The following TAFA1 variants were observed in gnomAD, a reference collection of about 807,000 sequenced individuals.
TAFA1 encodes the protein chemokine-like protein TAFA-1.
TAFA1 carries 4 observed loss-of-function variants against 18.5 expected under a neutral mutation model. That is an observed-to-expected ratio of 0.22 (90% confidence interval 0.11 to 0.49). The LOEUF (loss-of-function observed/expected upper bound fraction) is 0.49. TAFA1 is among the 20% of genes least tolerant of loss of function. The pLI, the probability that TAFA1 is intolerant of heterozygous loss-of-function variation, is 0.98. For synonymous variants in TAFA1, 56 were observed against 55.2 expected (o/e 1.01, Z -0.06); for missense variants, 147 against 169.0 (o/e 0.87, Z 0.72).
intron 2 of TAFA1, among the ~76,000 whole-genome samples, chr3:68,088,991 A>G (rs947030530): frequency 1.3e-5 from 2 of 152,158 alleles, no homozygotes; most frequent in African/African-American, 4.8e-5. Flanking sequence ...TTTTGGCCCA[A>G]TCAACTGGTT....
chr3:68,039,445 T>C (rs1705118545), intron 2 of TAFA1, among the ~76,000 whole-genome samples: 1 of 152,126 alleles, frequency 6.6e-6, no homozygotes, highest in African/African-American at 2.4e-5. Flanking sequence ...TTTAGGTCGT[T>C]TCTAGGCTTT....
intron 2 of TAFA1, among the ~76,000 whole-genome samples, chr3:68,022,836 TATATATTA>T: frequency 6.9e-5 from 1 of 14,510 alleles, no homozygotes; most frequent in Non-Finnish European, 1.6e-4. Flanking sequence ...ATATAATATA[TATATATTA>T]TATATATATA....
At chr3:68,387,314 G>T (rs191555539) in intron 2 of TAFA1, among the ~76,000 whole-genome samples, 1 of 151,978 alleles carries the variant, frequency 6.6e-6, no homozygotes, top group African/African-American at 2.4e-5. Context: ...TGCAAAAGGG[G>T]GCTATTTTAA....
intron 3 of TAFA1, among the ~76,000 whole-genome samples, chr3:68,531,179 T>C (rs996518939): frequency 6.6e-6 from 1 of 152,118 alleles, no homozygotes; most frequent in African/African-American, 2.4e-5. Flanking sequence ...AATGGGTTAG[T>C]GATAATACCT....
At chr3:68,365,895 GC>G (rs1475413934) in intron 2 of TAFA1, among the ~76,000 whole-genome samples, 1 of 151,974 alleles carries the variant, frequency 6.6e-6, no homozygotes, top group East Asian at 1.9e-4. Context: ...AGACCAACCA[GC>G]CAACATAGTG....
chr3:68,504,961 T>G (rs2072721947), intron 3 of TAFA1, among the ~76,000 whole-genome samples: 1 of 152,110 alleles, frequency 6.6e-6, no homozygotes, highest in Non-Finnish European at 1.5e-5. Context: ...GTAACATTTG[T>G]GGGCATGCAG....
At chr3:68,089,939 A>G (rs761536115) in intron 2 of TAFA1, among the ~76,000 whole-genome samples, 7 of 152,198 alleles carry the variant, frequency 4.6e-5, no homozygotes, top group Non-Finnish European at 8.8e-5. Flanking sequence ...TCTGAGAATG[A>G]AATTGGCTGG....
intron 3 of TAFA1, among the ~76,000 whole-genome samples, chr3:68,500,036 C>T (rs549306709): frequency 2.0e-5 from 3 of 152,160 alleles, no homozygotes; most frequent in African/African-American, 7.2e-5. Flanking sequence ...CCATCCCATT[C>T]CATCCCATCT....
chr3:68,271,439 G>A (rs912543121), intron 2 of TAFA1, among the ~76,000 whole-genome samples: 3 of 152,078 alleles, frequency 2.0e-5, no homozygotes, highest in South Asian at 2.1e-4. Flanking sequence ...CTCAACCCAC[G>A]TAACTGAGAA....
intron 3 of TAFA1, among the ~76,000 whole-genome samples, chr3:68,459,637 T>C (rs1280040708): frequency 6.6e-6 from 1 of 152,216 alleles, no homozygotes; most frequent in Non-Finnish European, 1.5e-5. Flanking sequence ...ATGAAAGTAT[T>C]TGCAGTTGAT....
chr3:68,313,310 A>G (rs767870745), intron 2 of TAFA1, among the ~76,000 whole-genome samples: 1 of 152,204 alleles, frequency 6.6e-6, no homozygotes, highest in Non-Finnish European at 1.5e-5. Flanking sequence ...TCTAAAACCT[A>G]TCTATTTAAA....
chr3:68,375,521 G>T (rs1414519342), intron 2 of TAFA1, among the ~76,000 whole-genome samples: 1 of 152,110 alleles, frequency 6.6e-6, no homozygotes, highest in Non-Finnish European at 1.5e-5. Flanking sequence ...TATACATTTT[G>T]TATATAAATA....
chr3:68,391,474 G>A (rs996198098), intron 2 of TAFA1, among the ~76,000 whole-genome samples: 29 of 152,122 alleles, frequency 1.9e-4, no homozygotes, highest in Non-Finnish European at 2.6e-4. Flanking sequence ...AACCTAGCAA[G>A]ACAGGCCAAC....
intron 2 of TAFA1, among the ~76,000 whole-genome samples, chr3:68,127,581 G>GGTAGTGGTGGTGA (rs1227271210): frequency 4.0e-4 from 2 of 4,984 alleles, no homozygotes; most frequent in East Asian, 6.3e-3. Context: ...AGTGGTGGTA[G>GGTAGTGGTGGTGA]TGATGGTAGC....
chr3:68,131,494 C>T (rs1032463468), intron 2 of TAFA1, among the ~76,000 whole-genome samples: 3 of 152,214 alleles, frequency 2.0e-5, no homozygotes, highest in African/African-American at 7.2e-5. Flanking sequence ...AGACTCCCCA[C>T]TGCCATGCTT....
intron 3 of TAFA1, among the ~76,000 whole-genome samples, chr3:68,524,739 C>T (rs957298973): frequency 2.0e-5 from 3 of 151,780 alleles, no homozygotes; most frequent in African/African-American, 7.3e-5. Flanking sequence ...GGTGCGATCT[C>T]GGCTCACTGC....
intron 2 of TAFA1, among the ~76,000 whole-genome samples, chr3:68,222,887 G>A (rs925954147): frequency 6.6e-6 from 1 of 152,016 alleles, no homozygotes; most frequent in African/African-American, 2.4e-5. Context: ...TGGCCAGGCT[G>A]GTCTCGAACT....
In TAFA1 at chr3:68,456,814, C is replaced by T. The variant is rs192218259; in HGVS notation, c.259+39394C>T. ...TCTTTTTTTACAATGGTCCTTAAGC[C>T]GGATTCATTTTATCTTGAAATGATA... is the stretch of plus-strand genomic sequence containing the variant. On this transcript the variant is annotated intron_variant, in intron 3 of 4. Coordinates refer to ENST00000478136, the MANE Select transcript of TAFA1 (RefSeq NM_213609.4). 2.2e-3 allele frequency among the ~76,000 whole-genome samples: 339 copies of T among 152,194 alleles called. 1 individual carries two copies. The highest frequency in any genetic ancestry group is 7.3e-3 in the African/African-American group (303 of 41,502).
chr3:68,349,329 AT>A (rs1205221208), intron 2 of TAFA1, among the ~76,000 whole-genome samples: 1 of 152,056 alleles, frequency 6.6e-6, no homozygotes, highest in Non-Finnish European at 1.5e-5. Flanking sequence ...TGTACCAGAA[AT>A]CACAGCACAT....
Sources: allele counts gnomAD v4.1 joint callset (sites outside exome capture counted in the v4.1 genomes callset), GRCh38; gene constraint gnomAD v4.1.1; transcripts MANE v1.5; gene names NCBI Gene and HGNC (gene_info 2026-07-23, HGNC 2026-07-21).